Variants in MAF observed in about 807,000 individuals in gnomAD.
MAF encodes MAF bZIP transcription factor.
Under a neutral mutation model 22.0 loss-of-function variants are expected in MAF, and 10 were observed. The ratio of observed to expected loss-of-function variants is 0.45; its 90% CI spans 0.28 to 0.77. The LOEUF (loss-of-function observed/expected upper bound fraction) is 0.77, where lower values mean the gene tolerates loss of function less well. MAF is among the 30% of genes least tolerant of loss of function. MAF has a pLI of 0.12. For synonymous variants in MAF, 337 were observed against 255.8 expected (o/e 1.32, Z -3.03); for missense variants, 544 against 548.4 (o/e 0.99, Z 0.08).
the MAF span, among the ~76,000 whole-genome samples, chr16:79,346,178 C>T: frequency 2.9e-4 from 41 of 142,104 alleles, no homozygotes; most frequent in African/African-American, 1.1e-3. Flanking sequence ...TTCCTCCCCG[C>T]TCCCCCCACC....
At chr16:79,548,989 T>TA in the MAF span, among the ~76,000 whole-genome samples, 25 of 152,356 alleles carry the variant, frequency 1.6e-4, no homozygotes, top group African/African-American at 6.0e-4. Flanking sequence ...GTATTATTAT[T>TA]TTTTTAAGAC....
At chr16:79,420,655 C>T in the MAF span, among the ~76,000 whole-genome samples, 6 of 152,338 alleles carry the variant, frequency 3.9e-5, no homozygotes, top group Non-Finnish European at 2.9e-5. Context: ...CTCGGCAGTG[C>T]CCCCTTTTCC....
At chr16:79,533,795 T>C in the MAF span, among the ~76,000 whole-genome samples, 1,043 of 152,306 alleles carry the variant, frequency 6.8e-3, 5 homozygotes, top group South Asian at 0.012. Context: ...TGTGAGGATG[T>C]GGAGAGATGA....
chr16:79,525,614 G>C, the MAF span, among the ~76,000 whole-genome samples: 1 of 152,082 alleles, frequency 6.6e-6, no homozygotes, highest in South Asian at 2.1e-4. Flanking sequence ...TGTACGCTGC[G>C]TACTTTTTAT....
chr16:79,231,309 C>G, the MAF span, among the ~76,000 whole-genome samples: 3 of 151,978 alleles, frequency 2.0e-5, no homozygotes, highest in African/African-American at 7.2e-5. Context: ...GGTATTCTGA[C>G]CTGGTTTCTG....
the MAF span, among the ~76,000 whole-genome samples, chr16:79,365,720 C>T: frequency 3.3e-5 from 5 of 152,076 alleles, no homozygotes; most frequent in African/African-American, 1.2e-4. Flanking sequence ...TGTCCCCCAT[C>T]TTCAAGACCA....
the MAF span, among the ~76,000 whole-genome samples, chr16:79,296,428 C>T: frequency 2.6e-5 from 4 of 151,944 alleles, no homozygotes; most frequent in Non-Finnish European, 5.9e-5. Context: ...GGTGTAGTGC[C>T]TAGGTGATGG....
At chr16:79,299,673 T>C in the MAF span, among the ~76,000 whole-genome samples, 1 of 152,052 alleles carries the variant, frequency 6.6e-6, no homozygotes, top group African/African-American at 2.4e-5. Flanking sequence ...CACAGTGACA[T>C]GGCACAGTGA....
At chr16:79,547,990 T>C in the MAF span, among the ~76,000 whole-genome samples, 174 of 152,064 alleles carry the variant, frequency 1.1e-3, 1 homozygote, top group African/African-American at 4.0e-3. Context: ...ATATTTCTAA[T>C]ACATGGGCTC....
At chr16:79,442,871 C>A in the MAF span, among the ~76,000 whole-genome samples, 2 of 152,184 alleles carry the variant, frequency 1.3e-5, no homozygotes, top group African/African-American at 4.8e-5. Flanking sequence ...GAAATCTAGT[C>A]CTGGCTGTAA....
the MAF span, among the ~76,000 whole-genome samples, chr16:79,326,127 C>G: frequency 1.3e-5 from 2 of 152,186 alleles, no homozygotes; most frequent in African/African-American, 4.8e-5. Context: ...CCCATAAAGT[C>G]TGAAGACTTC....
At chr16:79,248,124 G>A in the MAF span, among the ~76,000 whole-genome samples, 1 of 150,788 alleles carries the variant, frequency 6.6e-6, no homozygotes, top group African/African-American at 2.4e-5. Context: ...CATTTTCTTT[G>A]GATCATAAAA....
the MAF span, among the ~76,000 whole-genome samples, chr16:79,517,618 A>G: frequency 2.3e-5 from 3 of 129,206 alleles, no homozygotes; most frequent in Middle Eastern, 0.011. Context: ...TCTATTACCC[A>G]GACTGGAGTG....
chr16:79,453,841 G>C, the MAF span, among the ~76,000 whole-genome samples: 1 of 152,118 alleles, frequency 6.6e-6, no homozygotes, highest in South Asian at 2.1e-4. Flanking sequence ...TTAAAGTCTG[G>C]ACATCTTAAG....
downstream of MAF, among the ~76,000 whole-genome samples, chr16:79,590,786 G>A (rs78432040): frequency 9.0e-3 from 1,363 of 152,052 alleles, 15 homozygotes; most frequent in African/African-American, 0.031. Flanking sequence ...TTAAAGTCTG[G>A]GCCATACTCT....
At chr16:79,472,316 G>A in the MAF span, among the ~76,000 whole-genome samples, 1 of 152,180 alleles carries the variant, frequency 6.6e-6, no homozygotes, top group Non-Finnish European at 1.5e-5. Flanking sequence ...AGACTTCTAT[G>A]TGAATTCACT....
chr16:79,281,996 G>C, the MAF span, among the ~76,000 whole-genome samples: 1 of 151,978 alleles, frequency 6.6e-6, no homozygotes, highest in African/African-American at 2.4e-5. Flanking sequence ...CTGGTGTCTG[G>C]GTCTTGAAGG....
the MAF span, among the ~76,000 whole-genome samples, chr16:79,548,027 A>C: frequency 2.6e-5 from 4 of 152,192 alleles, no homozygotes; most frequent in East Asian, 1.9e-4. Flanking sequence ...CACACACACA[A>C]AAAACTGAGA....
the MAF span, among the ~76,000 whole-genome samples, chr16:79,426,018 A>G: frequency 3.3e-5 from 5 of 152,170 alleles, no homozygotes; most frequent in Non-Finnish European, 7.3e-5. Context: ...CATCCTGGCT[A>G]ACACAGTGAA....
Sources: allele counts gnomAD v4.1 joint callset (sites outside exome capture counted in the v4.1 genomes callset), GRCh38; gene constraint gnomAD v4.1.1; transcripts MANE v1.5; gene names NCBI Gene and HGNC (gene_info 2026-07-23, HGNC 2026-07-21).